PSAT1: variants seen among roughly 807,000 people sequenced by gnomAD.
The protein encoded by PSAT1 is phosphoserine aminotransferase.
In PSAT1, 41 loss-of-function variants were observed where a neutral mutation model predicts 40.3. The observed-to-expected ratio is 1.02, with a 90% CI of 0.79 to 1.32. The LOEUF is 1.32. Among genes scored for constraint, PSAT1 ranks in the 40% most tolerant of loss-of-function variants. The probability of loss-of-function intolerance (pLI) is 0.00; values close to 1 mark genes in which losing one functional copy is unlikely to be tolerated. For synonymous variants in PSAT1, 147 were observed against 170.5 expected, an observed-to-expected ratio of 0.86 and a Z score of 1.07; for missense variants, 406 against 455.8, an observed-to-expected ratio of 0.89 and a Z score of 0.99.
At chr9:78,307,220 G>A (rs1432813220) in intron 5 of PSAT1, among the ~76,000 whole-genome samples, 2 of 152,122 alleles carry the variant, frequency 1.3e-5, no homozygotes, top group Non-Finnish European at 2.9e-5. Flanking sequence ...CCAGCCCCTG[G>A]CAGCCTCCAT....
chr9:78,313,466 G>A (rs1828296025), intron 6 of PSAT1, among the ~76,000 whole-genome samples: 1 of 149,572 alleles, frequency 6.7e-6, no homozygotes, highest in Admixed American at 6.6e-5. Flanking sequence ...TGCTTGCTTT[G>A]TATCCTAACA....
At position 78,317,786 on chromosome 9, in the gene PSAT1, A is replaced by G. The variant is rs760073635; in HGVS notation, c.851A>G (p.Asn284Ser). The G allele has an allele frequency of 8.7e-6, 14 of 1,612,798 alleles. No homozygotes were observed. In the East Asian group the frequency reaches 2.7e-4, roughly 31 times the overall value. The change falls in exon 7 of 9, where the codon AAT becomes AGT. Residue 284 changes from asparagine to serine, a missense_variant. Physicochemically the swap from Asn to Ser is conservative, Grantham distance 46 (BLOSUM62 1). Transcript: ENST00000376588. ...CAAACAATTTATGAGATTATTGATAATTCTCAAGGATTCTACGTGTAAGTC... is the reference window on the plus strand; with the variant it reads ...CAAACAATTTATGAGATTATTGATAGTTCTCAAGGATTCTACGTGTAAGTC... ...KSQTIYEIID[N>S]SQGFYVCPVE... is the part of the protein sequence containing the mutation.
At chr9:78,299,952 TG>T (rs1214546457) in intron 1 of PSAT1, among the ~76,000 whole-genome samples, 1 of 152,262 alleles carries the variant, frequency 6.6e-6, no homozygotes, top group Non-Finnish European at 1.5e-5. Context: ...CTTCTCTGGC[TG>T]GTTGCTTTTG....
At chr9:78,307,478 A>T (rs7018865) in intron 5 of PSAT1, among the ~76,000 whole-genome samples, 1 of 152,196 alleles carries the variant, frequency 6.6e-6, no homozygotes, top group Non-Finnish European at 1.5e-5. Flanking sequence ...TTTTATTATC[A>T]CCAGGCACTG....
At chr9:78,306,244 T>C (rs1427424605) in intron 4 of PSAT1, 70 bp from the exon 5 acceptor site, 104 of 1,550,656 alleles carry the variant, frequency 6.7e-5, no homozygotes, top group Non-Finnish European at 9.0e-5. Flanking sequence ...AGTCTCCTGG[T>C]TGACTCCCAT....
rs745905648 is a variant in PSAT1, at chr9:78,306,363, G to A, written c.447G>A (p.Val149=). Residue 149 remains valine (V), a synonymous_variant, in exon 5 of 9, where the codon GTG becomes GTA. Transcript: ENST00000376588. ...TWNLNPDASY[V]YYCANETVHG... Reference sequence around the variant, plus strand: ...ACCTCAACCCAGATGCCTCCTACGTGTATTATTGCGCAAATGAGACGGTGC... The same window carrying A: ...ACCTCAACCCAGATGCCTCCTACGTATATTATTGCGCAAATGAGACGGTGC... 90 of 1,613,126 alleles carry A rather than the reference G, an allele frequency of 5.6e-5. No homozygotes were observed. The highest frequency in any genetic ancestry group is 7.3e-5 in the Non-Finnish European group (86 of 1,180,008).
At position 78,326,934 on chromosome 9, in the gene PSAT1, A is replaced by AATATATATATATAT. The variant is rs1210919066; in HGVS notation, c.870-1108_870-1095dup. Among the ~76,000 whole-genome samples, 87 of 104,486 alleles carry AATATATATATATAT rather than the reference A, an allele frequency of 8.3e-4. 2 individuals are homozygous for AATATATATATATAT. Among genetic ancestry groups the AATATATATATATAT allele is most frequent in the Admixed American group, 1.7e-3 (14 of 8,468 alleles). 68.5% of individuals were successfully genotyped at this position (104,486 alleles called of 152,430 possible). A position where few individuals can be genotyped will look rare whatever the true frequency, so the allele number is the denominator to read the frequency against. On this transcript the variant is annotated intron_variant, in intron 7 of 8. Coordinates refer to ENST00000376588, the MANE Select transcript of PSAT1 (RefSeq NM_058179.4). ...AGCTCAAACATGCTTAAGTGACAGC[A>AATATATATATATAT]ATATATATATATATATATATATTTT...
chr9:78,321,179 CCTTGACCCAGGA>C (rs1213491979), intron 7 of PSAT1, among the ~76,000 whole-genome samples: 1 of 152,138 alleles, frequency 6.6e-6, no homozygotes, highest in African/African-American at 2.4e-5. Flanking sequence ...TTCTGAACTG[CCTTGACCCAGGA>C]CTTCCAGTCC....
chr9:78,309,014 A>G (rs543361142), intron 6 of PSAT1, among the ~76,000 whole-genome samples: 12 of 152,292 alleles, frequency 7.9e-5, no homozygotes, highest in African/African-American at 2.9e-4. Flanking sequence ...AAAGTAAAGC[A>G]TGTTTCCAGG....
intron 6 of PSAT1, 138 bp from the exon 7 acceptor site, chr9:78,317,538 A>T: frequency 9.3e-7 from 1 of 1,074,444 alleles, no homozygotes; most frequent in Non-Finnish European, 1.4e-6. Flanking sequence ...GGCGTGAGCC[A>T]CTGCATTTGA....
At chr9:78,304,554 A>C (rs1413617928) in intron 3 of PSAT1, among the ~76,000 whole-genome samples, 181 bp from the exon 4 acceptor site, 1 of 152,228 alleles carries the variant, frequency 6.6e-6, no homozygotes, top group Non-Finnish European at 1.5e-5. Context: ...TCTCCAGTAA[A>C]TAGTTGTCCA....
chr9:78,299,207 A>C (rs1287662108), intron 1 of PSAT1, among the ~76,000 whole-genome samples: 1 of 84,484 alleles, frequency 1.2e-5, no homozygotes, highest in African/African-American at 4.7e-5. Flanking sequence ...GCATTCTTCA[A>C]CTGGAAAAAA....
chr9:78,310,616 A>ATT lies in PSAT1; in HGVS notation c.740+2046_740+2047dup, dbSNP rs61004589. 1.0e-2 allele frequency among the ~76,000 whole-genome samples: 1,456 copies of ATT among 145,948 alleles called. 22 individuals carry two copies. The highest frequency in any genetic ancestry group is 0.033 in the African/African-American group (1,319 of 39,688). On this transcript the variant is annotated intron_variant, in intron 6 of 8. Coordinates refer to ENST00000376588, the MANE Select transcript of PSAT1 (RefSeq NM_058179.4). ...CATAATTTACTATGGAAAGGAAAGA[A>ATT]TTTTTTTTTTTTTTGACAGAATCTT...
chr9:78,300,528 C>T, intron 1 of PSAT1, 74 bp from the exon 2 acceptor site: 1 of 1,528,896 alleles, frequency 6.5e-7, no homozygotes, highest in East Asian at 2.4e-5. Flanking sequence ...GTCCCCTCGT[C>T]AGGTTTGTAT....
chr9:78,325,361 T>G (rs1175780808), intron 7 of PSAT1, among the ~76,000 whole-genome samples: 2 of 152,210 alleles, frequency 1.3e-5, no homozygotes, highest in African/African-American at 2.4e-5. Context: ...CGCATTTTGT[T>G]GTGGATTACT....
chr9:78,298,594 C>T (rs1201393774), intron 1 of PSAT1, among the ~76,000 whole-genome samples: 1 of 152,048 alleles, frequency 6.6e-6, no homozygotes, highest in Admixed American at 6.5e-5. Flanking sequence ...GTGTTCCCAA[C>T]GTTTGTTCCC....
intron 7 of PSAT1, among the ~76,000 whole-genome samples, chr9:78,319,908 T>A (rs1040115290): frequency 2.0e-5 from 3 of 152,072 alleles, no homozygotes; most frequent in African/African-American, 7.2e-5. Flanking sequence ...AGGGCGTGTT[T>A]AGTCCACCTA....
intron 7 of PSAT1, among the ~76,000 whole-genome samples, chr9:78,318,136 C>T (rs753926525): frequency 6.6e-6 from 1 of 152,164 alleles, no homozygotes; most frequent in Non-Finnish European, 1.5e-5. Flanking sequence ...GGGAAAAAAA[C>T]AAATGTACTT....
chr9:78,301,636 C>G (rs956181230), intron 2 of PSAT1, among the ~76,000 whole-genome samples: 2 of 152,166 alleles, frequency 1.3e-5, no homozygotes, highest in African/African-American at 4.8e-5. Flanking sequence ...AACTGTTGCA[C>G]ATGGATTCCT....
Sources: gnomAD v4.1 joint callset for allele counts (sites outside exome capture counted in the v4.1 genomes callset) on GRCh38, gnomAD v4.1.1 for gene constraint, MANE v1.5 for transcripts, NCBI Gene and HGNC (gene_info 2026-07-23, HGNC 2026-07-21) for gene names.